The following ITGA4 variants were observed in gnomAD, a reference collection of about 807,000 sequenced individuals.
ITGA4 encodes the protein integrin subunit alpha 4.
ITGA4 carries 63 observed loss-of-function variants against 133.6 expected under a neutral mutation model. That is an observed-to-expected ratio of 0.47 (90% confidence interval 0.38 to 0.58). ITGA4 has a LOEUF of 0.58. Among genes scored for constraint, ITGA4 ranks in the 20% least tolerant of loss-of-function variants. ITGA4 has a pLI of 0.00. For synonymous variants in ITGA4, 483 were observed against 438.0 expected (o/e 1.10, Z -1.28); for missense variants, 1,076 against 1,252.7 (o/e 0.86, Z 2.13).
chr2:181,515,100 G>C (rs2105760143), intron 17 of ITGA4, among the ~76,000 whole-genome samples: 1 of 152,198 alleles, frequency 6.6e-6, no homozygotes, highest in Admixed American at 6.5e-5. Context: ...CCAGGCCACA[G>C]ATCTTCACAA....
intron 24 of ITGA4, among the ~76,000 whole-genome samples, chr2:181,531,313 C>T (rs1686940239): frequency 6.6e-6 from 1 of 152,024 alleles, no homozygotes; most frequent in Non-Finnish European, 1.5e-5. Context: ...CATTCATCAC[C>T]TTGAAATGAT....
rs1686929213 is a variant in ITGA4, at chr2:181,530,790, C to A, written c.2664+141C>A. The A allele has an allele frequency of 1.2e-5, 9 of 736,952 alleles. No homozygotes were observed. The South Asian group carries it at 1.6e-4, about 13-fold the overall frequency. 45.7% of individuals were successfully genotyped at this position (736,952 alleles called of 1,614,324 possible). A position where few individuals can be genotyped will look rare whatever the true frequency, so the allele number is the denominator to read the frequency against. The stretch of plus-strand genomic sequence containing the variant: ...AGGTAGTATTCTTGCGTGGAAGGAA[C>A]AAGCATGGTTGGAAAGTTGAGATAG... On this transcript the variant is annotated intron_variant, in intron 24 of 27. Coordinates refer to ENST00000397033, the MANE Select transcript of ITGA4 (RefSeq NM_000885.6).
chr2:181,526,913 CCTCTGCTTCTCGGG>C (rs2105768775), intron 21 of ITGA4, among the ~76,000 whole-genome samples: 1 of 142,634 alleles, frequency 7.0e-6, no homozygotes, highest in Admixed American at 7.4e-5. Flanking sequence ...CTCACTGCAA[CCTCTGCTTCTCGGG>C]TTCAAGCGAT....
In ITGA4 at chr2:181,536,370, T is replaced by G. The variant is rs965177355; in HGVS notation, c.*843T>G. Reference sequence around the variant, plus strand: ...ATTCTGAAACAAAAGATTGTGAGTGTTGCACTTTACCTGATACACGCTGAT... The same window carrying G: ...ATTCTGAAACAAAAGATTGTGAGTGGTGCACTTTACCTGATACACGCTGAT... On this transcript the variant is annotated 3_prime_UTR_variant, in exon 28 of 28. Coordinates refer to ENST00000397033, the MANE Select transcript of ITGA4 (RefSeq NM_000885.6). 2.1e-5 allele frequency among the ~76,000 whole-genome samples: 3 copies of G among 143,304 alleles called. No individual in the cohort carries two copies. The highest frequency in any genetic ancestry group is 7.3e-5 in the African/African-American group (3 of 40,912). The allele number at this position is 143,304 out of a possible 152,430, so 94.0% of individuals were successfully genotyped here.
In ITGA4 at chr2:181,457,684, C is replaced by G. The variant is rs1047297; in HGVS notation, c.30C>G (p.Gly10=). The part of the protein sequence containing the change: MAWEARREP[G]PRRAAVRETV... ...CTTGGGAAGCGAGGCGCGAACCCGG[C>G]CCCCGAAGGGCCGCCGTCCGGGAGA... is the stretch of plus-strand genomic sequence containing the variant. The change falls in exon 1 of 28, where the codon GGC becomes GGG. Residue 10 remains glycine, a synonymous_variant. Transcript: ENST00000397033. The G allele has an allele frequency of 6.2e-7, 1 of 1,610,966 alleles. No individual in the cohort carries two copies. The highest frequency in any genetic ancestry group is 8.5e-7 in the Non-Finnish European group (1 of 1,179,390).
rs927148054 is a variant in ITGA4 at position 181,482,773 on chromosome 2, A to G, written c.1041+122A>G. Reference sequence around the variant, plus strand: ...TTTTATTGACAAAAGTTAAAATTCTAATACTGTACTGATGCTCTAAAAATT... The same window carrying G: ...TTTTATTGACAAAAGTTAAAATTCTGATACTGTACTGATGCTCTAAAAATT... On this transcript the variant is annotated intron_variant, in intron 9 of 27. Coordinates refer to ENST00000397033, the MANE Select transcript of ITGA4 (RefSeq NM_000885.6). The G allele has an allele frequency of 3.9e-5, 32 of 827,580 alleles. No homozygotes were observed. The African/African-American group carries it at 5.1e-4, about 13-fold the overall frequency. The allele number at this position is 827,580 out of a possible 1,614,324, so 51.3% of individuals were successfully genotyped here.
intron 15 of ITGA4, among the ~76,000 whole-genome samples, chr2:181,502,572 G>A (rs111660947): frequency 2.1e-3 from 326 of 152,204 alleles, no homozygotes; most frequent in Non-Finnish European, 3.5e-3. Context: ...GCAGATGCTG[G>A]GTAGATGTGG....
At chr2:181,485,027 C>T (rs193270742) in intron 9 of ITGA4, among the ~76,000 whole-genome samples, 1 of 152,066 alleles carries the variant, frequency 6.6e-6, no homozygotes, top group Non-Finnish European at 1.5e-5. Flanking sequence ...ATTGCAACAG[C>T]CCATTATTAC....
intron 22 of ITGA4, among the ~76,000 whole-genome samples, chr2:181,529,237 C>T (rs1450394986): frequency 2.2e-5 from 3 of 135,816 alleles, no homozygotes; most frequent in Non-Finnish European, 5.0e-5. Flanking sequence ...ATGTAACATA[C>T]AAATATATAT....
rs1559062239 is a variant in ITGA4 at position 181,536,839 on chromosome 2, C to CTGT, written c.*1312_*1313insTGT. On this transcript the variant is annotated 3_prime_UTR_variant, in exon 28 of 28. Coordinates refer to ENST00000397033, the MANE Select transcript of ITGA4 (RefSeq NM_000885.6). Reference sequence around the variant, plus strand: ...CAGAATATCATTTTATCTGACTCTGCCTTCATAAGAGAGCTGTGGCCGAAT... The same window carrying CTGT: ...CAGAATATCATTTTATCTGACTCTGCTGTCTTCATAAGAGAGCTGTGGCCGAAT... The CTGT allele has an allele frequency of 2.6e-6, 1 of 388,378 alleles. No homozygotes were observed. The highest frequency in any genetic ancestry group is 5.2e-6 in the Non-Finnish European group (1 of 194,012). The allele number at this position is 388,378 out of a possible 1,614,324, so 24.1% of individuals were successfully genotyped here.
intron 21 of ITGA4, 55 bp from the exon 22 acceptor site, chr2:181,527,238 CTCTT>C (rs1686852461): frequency 2.0e-6 from 2 of 1,006,880 alleles, no homozygotes; most frequent in Non-Finnish European, 1.6e-6. Flanking sequence ...TAGAAAAAGA[CTCTT>C]TATAATACGT....
At chr2:181,494,413 C>G (rs188280479) in intron 11 of ITGA4, among the ~76,000 whole-genome samples, 36 of 152,240 alleles carry the variant, frequency 2.4e-4, no homozygotes, top group African/African-American at 8.4e-4. Context: ...TCAAGGCCAG[C>G]CCAGGTGCCA....
rs1559063202 is a variant in ITGA4, at chr2:181,537,240, G to GAAATTTACATTTGGTT, written c.*1714_*1729dup. The GAAATTTACATTTGGTT allele has an allele frequency of 2.2e-6, 1 of 453,796 alleles. No individual in the cohort carries two copies. The highest frequency in any genetic ancestry group is 1.6e-5 in the South Asian group (1 of 64,462). 28.1% of individuals were successfully genotyped at this position (453,796 alleles called of 1,614,324 possible). ...TGTCTTCTCCAGGATGGTCTCTAAG[G>GAAATTTACATTTGGTT]AAATTTACATTTGGTTCTTTCCTAC... On this transcript the variant is annotated 3_prime_UTR_variant, in exon 28 of 28. Coordinates refer to ENST00000397033, the MANE Select transcript of ITGA4 (RefSeq NM_000885.6).
rs199774682 is a variant in ITGA4 at position 181,474,979 on chromosome 2, T to C, written c.339T>C (p.Pro113=). Residue 113 remains proline (P), a synonymous_variant, in exon 3 of 28, where the codon CCT becomes CCC. Coordinates refer to ENST00000397033, the MANE Select transcript of ITGA4 (RefSeq NM_000885.6). ...QLQLGSPNGE[P]CGKTCLEERD... ...CTATAGGTAGCCCTAATGGAGAACC[T>C]TGTGGAAAGACTTGTTTGGAAGAGA... is the stretch of plus-strand genomic sequence containing the variant. 383 of 1,613,840 alleles carry C rather than the reference T, an allele frequency of 2.4e-4. No individual in the cohort carries two copies. The highest frequency in any genetic ancestry group is 3.1e-4 in the Non-Finnish European group (362 of 1,179,838).
intron 21 of ITGA4, 51 bp downstream of exon 21, chr2:181,525,342 C>T: frequency 1.0e-6 from 1 of 965,224 alleles, no homozygotes; most frequent in Non-Finnish European, 1.6e-6. Flanking sequence ...TTTACAGTTT[C>T]CTTGCTTCTT....
chr2:181,532,690 C>A (rs1682167657), intron 25 of ITGA4, among the ~76,000 whole-genome samples: 3 of 152,124 alleles, frequency 2.0e-5, no homozygotes, highest in Admixed American at 2.0e-4. Context: ...ATGTCACCTG[C>A]AAACAATTTG....
rs200132181 is a variant in ITGA4, at chr2:181,535,479, C to T, written c.3051C>T (p.Asn1017=). 1.6e-5 allele frequency: 26 copies of T among 1,609,296 alleles called. No individual in the cohort carries two copies. The highest frequency in any genetic ancestry group is 2.2e-5 in the Non-Finnish European group (26 of 1,177,534). Residue 1017 remains asparagine, a synonymous_variant, in exon 28 of 28, where the codon AAC becomes AAT. Coordinates refer to ENST00000397033, the MANE Select transcript of ITGA4 (RefSeq NM_000885.6). ...ACAAATCTATCCTACAAGAAGAAAACAGAAGAGACAGTTGGAGTTATATCA... is the reference window on the plus strand; with the variant it reads ...ACAAATCTATCCTACAAGAAGAAAATAGAAGAGACAGTTGGAGTTATATCA... ...RQYKSILQEE[N]RRDSWSYINS... is the part of the protein sequence containing the mutation.
At position 181,475,094 on chromosome 2, in the gene ITGA4, C is replaced by T. The variant is rs537730254; in HGVS notation, c.426+28C>T. ...AGGTATTGGAACTGGTCCACAGATC[C>T]ATCGTGAAATCAGCTATCCTGGGTG... On this transcript the variant is annotated intron_variant, in intron 3 of 27. Transcript: ENST00000397033. 1.4e-5 allele frequency: 23 copies of T among 1,612,944 alleles called. No homozygotes were observed. The Admixed American group carries it at 3.0e-4, about 21-fold the overall frequency.
intron 2 of ITGA4, among the ~76,000 whole-genome samples, chr2:181,461,617 A>G (rs145356055): frequency 2.0e-5 from 3 of 152,336 alleles, no homozygotes; most frequent in Admixed American, 2.0e-4. Context: ...TCCATGGACT[A>G]TCAATATTCA....
Sources: allele counts gnomAD v4.1 joint callset (sites outside exome capture counted in the v4.1 genomes callset), GRCh38; gene constraint gnomAD v4.1.1; transcripts MANE v1.5; gene names NCBI Gene and HGNC (gene_info 2026-07-23, HGNC 2026-07-21).